The following ATG2B variants were observed in gnomAD, a reference collection of about 807,000 sequenced individuals.
ATG2B encodes the protein autophagy related 2B, also known as autophagy-related protein 2 homolog B.
A neutral mutation model predicts 241.3 loss-of-function variants in ATG2B; 121 were observed. That is an observed-to-expected ratio of 0.50 (90% CI 0.43 to 0.58). The LOEUF (loss-of-function observed/expected upper bound fraction) is 0.58, where lower values mean the gene tolerates loss of function less well. Ranked by LOEUF, ATG2B falls within the 20% of genes least tolerant of loss-of-function variation. ATG2B has a pLI of 0.00. For synonymous variants in ATG2B, 858 were observed against 876.6 expected (o/e 0.98, Z 0.37); for missense variants, 2,306 against 2,491.6 (o/e 0.93, Z 1.59).
rs558564578 is a variant in ATG2B, at chr14:96,289,868, C to G, written c.5857-63G>C. The G allele has an allele frequency of 6.4e-7, 1 of 1,558,854 alleles. No homozygotes were observed. The highest frequency in any genetic ancestry group is 1.4e-5 in the African/African-American group (1 of 73,794). ...GAAAGTCTGAAGAGTTACGGACCAG[C>G]AGAGCACTTCCTACAGGGAGTGAGG... is the stretch of plus-strand genomic sequence containing the variant. On this transcript the variant is annotated intron_variant, in intron 40 of 41. Coordinates refer to ENST00000359933, the MANE Select transcript of ATG2B (RefSeq NM_018036.7). This position sits in a 1 kb window ranked among gnomAD's most constrained non-coding sequence, Gnocchi z 4.3.
Position 96,288,656 on chromosome 14 carries a change from C to A in ATG2B, c.6006+1000G>T, listed in dbSNP as rs143596464. 4.1e-3 allele frequency among the ~76,000 whole-genome samples: 619 copies of A among 152,216 alleles called. 4 individuals are homozygous for A. Among genetic ancestry groups the A allele is most frequent in the Non-Finnish European group, 6.2e-3 (419 of 68,026 alleles). ...CTCAAGTAAAAGACCATCCTAGGCA[C>A]GTCTGACTGTTGTTAGAATATGACT... On this transcript the variant is annotated intron_variant, in intron 41 of 41. Coordinates refer to ENST00000359933, the MANE Select transcript of ATG2B (RefSeq NM_018036.7).
Position 96,332,606 on chromosome 14 carries a change from G to A in ATG2B, c.1257C>T (p.Leu419=). 1 of 1,604,124 alleles carries A rather than the reference G, an allele frequency of 6.2e-7. No homozygotes were observed. Among genetic ancestry groups the A allele is most frequent in the Admixed American group, 1.7e-5 (1 of 57,480 alleles). Residue 419 remains leucine, a synonymous_variant, in exon 9 of 42, where the codon CTC becomes CTT. Coordinates refer to ENST00000359933, the MANE Select transcript of ATG2B (RefSeq NM_018036.7). ...GGTCCCCAAGGGGTGGAAGAGAAGA[G>A]AGACTATGAGACATGTCCATATCAG... ...SMADMDMSHS[L]SSLPPLGDPP...
intron 20 of ATG2B, 52 bp downstream of exon 20, chr14:96,317,093 T>C: frequency 6.9e-7 from 1 of 1,455,118 alleles, no homozygotes; most frequent in Admixed American, 2.0e-5. Context: ...CCTAGCAGAT[T>C]TATTTAAAGT....
rs150693851 is a variant in ATG2B at position 96,360,163 on chromosome 14, G to T, written c.162+2652C>A. Among the ~76,000 whole-genome samples, 673 of 152,282 alleles carry T rather than the reference G, an allele frequency of 4.4e-3. 26 individuals are homozygous for T. The South Asian group carries it at 0.067, about 15-fold the overall frequency. Reference sequence around the variant, plus strand: ...TTTCTCCTATGGCCAAGTGTTTAAGGGTTGGATTTAAAGATAAGCATTTTC... The same window carrying T: ...TTTCTCCTATGGCCAAGTGTTTAAGTGTTGGATTTAAAGATAAGCATTTTC... On this transcript the variant is annotated intron_variant, in intron 1 of 41. Transcript: ENST00000359933.
At chr14:96,342,401 T>C (rs907500232) in intron 5 of ATG2B, among the ~76,000 whole-genome samples, 1 of 152,098 alleles carries the variant, frequency 6.6e-6, no homozygotes, top group Non-Finnish European at 1.5e-5. Context: ...TAAAATTACC[T>C]TCAGGCTATG....
chr14:96,283,422 G>A lies in ATG2B; in HGVS notation c.*2333C>T, dbSNP rs3742476. 0.82 allele frequency: 125,394 copies of A among 152,224 alleles called. 52,117 individuals carry two copies. The highest frequency in any genetic ancestry group is 0.94 in the African/African-American group (38,995 of 41,556). The allele number at this position is 152,224 out of a possible 1,614,324, so 9.4% of individuals were successfully genotyped here. A position where few individuals can be genotyped will look rare whatever the true frequency, so the allele number is the denominator to read the frequency against. On this transcript the variant is annotated 3_prime_UTR_variant, in exon 42 of 42. Coordinates refer to ENST00000359933, the MANE Select transcript of ATG2B (RefSeq NM_018036.7). ...TCGCCAGAGAGGACTCTCACTGGAC[G>A]AGGCCCAGTGGTCTGAGGCTCTGTA...
chr14:96,340,787 A>G (rs1335809940), intron 6 of ATG2B, among the ~76,000 whole-genome samples: 1 of 151,924 alleles, frequency 6.6e-6, no homozygotes, highest in African/African-American at 2.4e-5. Context: ...GCATGGTGGC[A>G]TGTGCCTGTA....
intron 1 of ATG2B, among the ~76,000 whole-genome samples, chr14:96,357,949 C>T (rs1312620225): frequency 6.6e-6 from 1 of 152,094 alleles, no homozygotes; most frequent in African/African-American, 2.4e-5. Flanking sequence ...AAAAACCTAA[C>T]AGTGTTTAAA....
chr14:96,363,112 C>G lies in ATG2B; in HGVS notation c.-136G>C. ...TCCATCCCTATTTGGTGCCGGGAGT[C>G]CCTCAGGGAGACCCCATCGCCGGCG... On this transcript the variant is annotated 5_prime_UTR_variant, in exon 1 of 42. Transcript: ENST00000359933. The G allele has an allele frequency of 1.0e-6, 1 of 979,556 alleles. No individual in the cohort carries two copies. Among genetic ancestry groups the G allele is most frequent in the Non-Finnish European group, 1.6e-6 (1 of 643,464 alleles). The allele number at this position is 979,556 out of a possible 1,614,324, so 60.7% of individuals were successfully genotyped here. A position where few individuals can be genotyped will look rare whatever the true frequency, so the allele number is the denominator to read the frequency against.
rs118154740 is a variant in ATG2B, at chr14:96,301,158, G to A, written c.5139+849C>T. On this transcript the variant is annotated intron_variant, in intron 34 of 41. Coordinates refer to ENST00000359933, the MANE Select transcript of ATG2B (RefSeq NM_018036.7). ...ACATTACTGATCCCTAACCTAGTGT[G>A]TCAGGCACCCAGTTAATGTTTTTCA... is the stretch of plus-strand genomic sequence containing the variant. Among the ~76,000 whole-genome samples, 650 of 152,290 alleles carry A rather than the reference G, an allele frequency of 4.3e-3. 26 individuals carry two copies. In the South Asian group the frequency reaches 0.067, roughly 16 times the overall value.
At chr14:96,328,111 G>C (rs558056925) in intron 14 of ATG2B, among the ~76,000 whole-genome samples, 1 of 152,170 alleles carries the variant, frequency 6.6e-6, no homozygotes, top group East Asian at 1.9e-4. Flanking sequence ...CGCCACGCCT[G>C]GCCATAACCA....
At position 96,290,558 on chromosome 14, in the gene ATG2B, T is replaced by C. The variant is rs374314757; in HGVS notation, c.5734A>G (p.Ile1912Val). ...QGLKDLVWLP[I>V]EQYRKDGRIV... ...CGGCCATCCTTCCGGTACTGCTCTA[T>C]TGGGAGCCAGACCAAGTCCTTTAGG... Residue 1912 changes from isoleucine to valine, a missense_variant, in exon 40 of 42, where the codon ATA (isoleucine) becomes GTA (valine). Physicochemically the swap from Ile to Val is conservative, Grantham distance 29. This residue lies in a region of ATG2B where 379 missense variants were observed against 480.4 expected (regional missense o/e 0.79). Coordinates refer to ENST00000359933, the MANE Select transcript of ATG2B (RefSeq NM_018036.7). The surrounding 1 kb of genome is among the most constrained non-coding windows in gnomAD (Gnocchi z 4.4). 177 of 1,614,110 alleles carry C rather than the reference T, an allele frequency of 1.1e-4. No individual in the cohort carries two copies. The highest frequency in any genetic ancestry group is 6.6e-4 in the Middle Eastern group (4 of 6,084).
At chr14:96,297,019 T>C (rs879297795) in intron 34 of ATG2B, among the ~76,000 whole-genome samples, 6 of 152,122 alleles carry the variant, frequency 3.9e-5, no homozygotes, top group Non-Finnish European at 7.4e-5. Context: ...AGTGGAAATA[T>C]TCTGATTCTG....
chr14:96,321,029 G>GT (rs1489549844), intron 18 of ATG2B, among the ~76,000 whole-genome samples: 1 of 151,930 alleles, frequency 6.6e-6, no homozygotes, highest in East Asian at 1.9e-4. Flanking sequence ...AAAGTTAAAC[G>GT]TAAGTGATAA....
intron 1 of ATG2B, among the ~76,000 whole-genome samples, chr14:96,352,746 T>C (rs2139906444): frequency 6.6e-6 from 1 of 152,296 alleles, no homozygotes; most frequent in Middle Eastern, 3.4e-3. Context: ...TCAAAAATTT[T>C]TTTAAAGTTT....
Position 96,328,722 on chromosome 14 carries a change from A to G in ATG2B, c.1926T>C (p.Pro642=). Residue 642 remains proline (P), a synonymous_variant, in exon 13 of 42, where the codon CCT becomes CCC. Transcript: ENST00000359933. ...HSKEETGSHS[P]VCLQLHYKHS... ...GCTTATAATGAAGCTGAAGACACACAGGGGAATGGGAACCAGTTTCTTCTT... is the reference window on the plus strand; with the variant it reads ...GCTTATAATGAAGCTGAAGACACACGGGGGAATGGGAACCAGTTTCTTCTT... 2 of 1,612,366 alleles carry G rather than the reference A, an allele frequency of 1.2e-6. No homozygotes were observed. The highest frequency in any genetic ancestry group is 1.3e-5 in the African/African-American group (1 of 74,952).
intron 15 of ATG2B, 128 bp downstream of exon 15, chr14:96,325,521 T>C (rs1887565963): frequency 1.1e-6 from 1 of 872,440 alleles, no homozygotes; most frequent in Non-Finnish European, 1.7e-6. Context: ...ATTGTTGCTG[T>C]TGATTTTAAC....
chr14:96,338,605 G>A (rs1887928094), intron 6 of ATG2B, among the ~76,000 whole-genome samples: 1 of 151,994 alleles, frequency 6.6e-6, no homozygotes, highest in Non-Finnish European at 1.5e-5. Flanking sequence ...GAAAGAACCT[G>A]GATCCTCATC....
intron 1 of ATG2B, among the ~76,000 whole-genome samples, chr14:96,362,542 C>G (rs1888684918): frequency 6.6e-6 from 1 of 152,212 alleles, no homozygotes; most frequent in Non-Finnish European, 1.5e-5. Context: ...CCTATTGAGC[C>G]TGCTTCACAG....
Sources: allele counts gnomAD v4.1 joint callset (sites outside exome capture counted in the v4.1 genomes callset), GRCh38; gene constraint gnomAD v4.1.1; regional missense constraint gnomAD v4.1.1; non-coding constraint Gnocchi (gnomAD v3.1); transcripts MANE v1.5; gene names NCBI Gene and HGNC (gene_info 2026-07-23, HGNC 2026-07-21).